The following DLGAP1 variants were observed in gnomAD, a reference collection of about 807,000 sequenced individuals.
The protein encoded by DLGAP1 is DLG associated protein 1.
In DLGAP1, 11 loss-of-function variants were observed where a neutral mutation model predicts 90.8. That is an observed-to-expected ratio of 0.12 (90% CI 0.08 to 0.20). The LOEUF is 0.20. Ranked by LOEUF, DLGAP1 falls within the 10% of genes least tolerant of loss-of-function variation. The pLI, the probability that DLGAP1 is intolerant of heterozygous loss-of-function variation, is 1.00. For synonymous variants in DLGAP1, 558 were observed against 540.7 expected, an observed-to-expected ratio of 1.03 and a Z score of -0.44; for missense variants, 1,050 against 1,333.8, an observed-to-expected ratio of 0.79 and a Z score of 3.31.
intron 7 of DLGAP1, among the ~76,000 whole-genome samples, chr18:3,620,946 G>C (rs1287011956): frequency 6.6e-6 from 1 of 152,162 alleles, no homozygotes; most frequent in Non-Finnish European, 1.5e-5. Flanking sequence ...GTTCCCAGAG[G>C]TTGGTCTCCC....
intron 1 of DLGAP1, among the ~76,000 whole-genome samples, chr18:4,186,377 T>C (rs1304740469): frequency 2.0e-5 from 3 of 152,164 alleles, no homozygotes; most frequent in Non-Finnish European, 4.4e-5. Context: ...ATGGTATTGC[T>C]AGGTTGTCTT....
At chr18:3,919,541 T>A (rs768154134) in intron 3 of DLGAP1, among the ~76,000 whole-genome samples, 8 of 152,188 alleles carry the variant, frequency 5.3e-5, no homozygotes, top group Non-Finnish European at 8.8e-5. Context: ...CAAGCTAATA[T>A]GGCAGTGGTG....
chr18:3,555,826 A>G (rs2053719941), intron 9 of DLGAP1, among the ~76,000 whole-genome samples: 2 of 152,182 alleles, frequency 1.3e-5, no homozygotes, highest in Non-Finnish European at 2.9e-5. Flanking sequence ...AAATAAATAA[A>G]TAAACAAATA....
intron 3 of DLGAP1, among the ~76,000 whole-genome samples, chr18:4,001,485 A>T (rs140784603): frequency 1.3e-5 from 2 of 151,824 alleles, no homozygotes; most frequent in Non-Finnish European, 2.9e-5. Flanking sequence ...TTTCTTTATT[A>T]ATGTTTAAGT....
At chr18:3,809,081 T>C (rs1473619794) in intron 5 of DLGAP1, among the ~76,000 whole-genome samples, 2 of 152,168 alleles carry the variant, frequency 1.3e-5, no homozygotes, top group African/African-American at 4.8e-5. Flanking sequence ...AGACTAAGGA[T>C]AGCACCTGTG....
At chr18:4,241,466 T>C (rs2078531537) in intron 1 of DLGAP1, among the ~76,000 whole-genome samples, 1 of 152,128 alleles carries the variant, frequency 6.6e-6, no homozygotes, top group Non-Finnish European at 1.5e-5. Context: ...TGTAAGTCCA[T>C]AAAGTAACAT....
chr18:3,959,989 T>C (rs1465742170), intron 3 of DLGAP1, among the ~76,000 whole-genome samples: 3 of 152,154 alleles, frequency 2.0e-5, no homozygotes, highest in East Asian at 3.9e-4. Context: ...CAGTAGATAA[T>C]ACATTGGAAA....
chr18:3,772,336 CTCTCTCTCTCTCTT>C (rs1291743999), intron 5 of DLGAP1, among the ~76,000 whole-genome samples: 7 of 41,120 alleles, frequency 1.7e-4, no homozygotes, highest in African/African-American at 5.9e-4. Context: ...CTCTCCTTCT[CTCTCTCTCTCTCTT>C]TCTTTCTTTC....
chr18:3,583,184 A>ACCTACCTACCTACCTT (rs1555688608), intron 7 of DLGAP1, among the ~76,000 whole-genome samples: 3 of 127,704 alleles, frequency 2.3e-5, no homozygotes, highest in African/African-American at 6.3e-5. Context: ...CTACCTACCT[A>ACCTACCTACCTACCTT]CCTTCCTTCC....
chr18:4,421,197 T>A (rs1388807441), intron 1 of DLGAP1, among the ~76,000 whole-genome samples: 1 of 152,166 alleles, frequency 6.6e-6, no homozygotes, highest in African/African-American at 2.4e-5. Context: ...GGGAGAATCC[T>A]TTCCTTGCCT....
At chr18:3,699,901 C>A (rs868402773) in intron 7 of DLGAP1, among the ~76,000 whole-genome samples, 1 of 152,214 alleles carries the variant, frequency 6.6e-6, no homozygotes, top group Non-Finnish European at 1.5e-5. Flanking sequence ...GTTCAAACTT[C>A]CCCATGGCTT....
intron 2 of DLGAP1, among the ~76,000 whole-genome samples, chr18:4,021,212 T>C (rs1268695764): frequency 6.6e-6 from 1 of 152,170 alleles, no homozygotes; most frequent in African/African-American, 2.4e-5. Flanking sequence ...AATTCCCCTG[T>C]CTTGATAAAT....
At chr18:4,029,861 T>C (rs1288628976) in intron 2 of DLGAP1, among the ~76,000 whole-genome samples, 2 of 152,196 alleles carry the variant, frequency 1.3e-5, no homozygotes, top group Non-Finnish European at 2.9e-5. Flanking sequence ...CTATTTAACT[T>C]GGCAACCTCC....
At chr18:3,811,664 A>G (rs998172066) in intron 5 of DLGAP1, among the ~76,000 whole-genome samples, 1 of 152,178 alleles carries the variant, frequency 6.6e-6, no homozygotes, top group Non-Finnish European at 1.5e-5. Context: ...TGTCATCTGC[A>G]TGTTTGCCTC....
At chr18:4,335,915 T>C (rs750681144) in intron 1 of DLGAP1, among the ~76,000 whole-genome samples, 1 of 152,222 alleles carries the variant, frequency 6.6e-6, no homozygotes, top group Non-Finnish European at 1.5e-5. Context: ...GCATATGAAA[T>C]ACATGCCATG....
intron 2 of DLGAP1, among the ~76,000 whole-genome samples, chr18:4,144,435 T>TC (rs1385493941): frequency 6.6e-6 from 1 of 151,710 alleles, no homozygotes; most frequent in Non-Finnish European, 1.5e-5. Flanking sequence ...GTGTTCTCCC[T>TC]CCCCCCAGGC....
At chr18:4,047,756 C>T (rs1194726952) in intron 2 of DLGAP1, among the ~76,000 whole-genome samples, 1 of 152,160 alleles carries the variant, frequency 6.6e-6, no homozygotes, top group Non-Finnish European at 1.5e-5. Flanking sequence ...TGTAAAATGG[C>T]TTCTTCCATT....
intron 4 of DLGAP1, 77 bp from the exon 5 acceptor site, chr18:3,814,350 T>G (rs2066988847): frequency 2.2e-6 from 3 of 1,364,310 alleles, no homozygotes; most frequent in African/African-American, 1.5e-5. Context: ...TTTTTTAGAT[T>G]TAACATTTCT....
intron 5 of DLGAP1, among the ~76,000 whole-genome samples, chr18:3,749,112 C>T (rs953832780): frequency 1.3e-5 from 2 of 150,438 alleles, no homozygotes; most frequent in Non-Finnish European, 3.0e-5. Context: ...TCTCCTTCTC[C>T]TCCTCCTCCT....
Sources: gnomAD v4.1 joint callset for allele counts (sites outside exome capture counted in the v4.1 genomes callset) on GRCh38, gnomAD v4.1.1 for gene constraint, MANE v1.5 for transcripts, NCBI Gene and HGNC (gene_info 2026-07-23, HGNC 2026-07-21) for gene names.